STK33: variants seen among roughly 807,000 people sequenced by gnomAD.
The protein encoded by STK33 is serine/threonine-protein kinase 33.
STK33 carries 52 observed loss-of-function variants against 58.0 expected under a neutral mutation model. The observed-to-expected ratio is 0.90, with a 90% confidence interval of 0.72 to 1.13. The LOEUF is 1.13. Among genes scored for constraint, STK33 ranks in the 50% most tolerant of loss-of-function variants. The probability of loss-of-function intolerance (pLI) is 0.00; values close to 1 mark genes in which losing one functional copy is unlikely to be tolerated. For synonymous variants in STK33, 215 were observed against 200.1 expected (o/e 1.07, Z -0.63); for missense variants, 630 against 604.2 (o/e 1.04, Z -0.45).
the STK33 span, among the ~76,000 whole-genome samples, chr11:8,345,210 G>T: frequency 1.3e-5 from 2 of 152,192 alleles, no homozygotes; most frequent in African/African-American, 2.4e-5. Flanking sequence ...CTACTGTCCT[G>T]CTGGAGTTCA....
At chr11:8,344,076 C>G in the STK33 span, among the ~76,000 whole-genome samples, 1 of 152,066 alleles carries the variant, frequency 6.6e-6, no homozygotes. Flanking sequence ...TAGGGCTGGA[C>G]GCAGTGACTC....
chr11:8,402,095 A>T (rs1255237157), intron 15 of STK33, among the ~76,000 whole-genome samples: 6 of 152,206 alleles, frequency 3.9e-5, no homozygotes, highest in Non-Finnish European at 7.3e-5. Context: ...TTACCATTTG[A>T]CCCAGCAATC....
intron 14 of STK33, among the ~76,000 whole-genome samples, chr11:8,423,727 G>T (rs1483998838): frequency 6.6e-6 from 1 of 151,874 alleles, no homozygotes; most frequent in Non-Finnish European, 1.5e-5. Flanking sequence ...GAATAAGCTT[G>T]TCATATTATT....
chr11:8,581,340 G>A (rs767739354), intron 1 of STK33, among the ~76,000 whole-genome samples: 1 of 152,012 alleles, frequency 6.6e-6, no homozygotes, highest in Non-Finnish European at 1.5e-5. Context: ...AACATAGTGA[G>A]ACCCCCATAT....
At chr11:8,407,153 T>C (rs1298143820) in intron 15 of STK33, among the ~76,000 whole-genome samples, 2 of 152,152 alleles carry the variant, frequency 1.3e-5, no homozygotes, top group African/African-American at 4.8e-5. Flanking sequence ...TGTTGTTTGA[T>C]TTTTGGATGT....
At chr11:8,362,354 T>C in the STK33 span, among the ~76,000 whole-genome samples, 3 of 152,318 alleles carry the variant, frequency 2.0e-5, no homozygotes, top group South Asian at 6.2e-4. Flanking sequence ...CTAATGGAAT[T>C]TCATTTGGCG....
intron 1 of STK33, among the ~76,000 whole-genome samples, chr11:8,513,161 G>C (rs796996100): frequency 3.3e-4 from 50 of 152,280 alleles, no homozygotes; most frequent in Middle Eastern, 6.8e-3. Flanking sequence ...CAAGCAAGGA[G>C]TCCTGTGCCA....
At chr11:8,484,707 T>C (rs1950080657) in intron 1 of STK33, among the ~76,000 whole-genome samples, 1 of 152,164 alleles carries the variant, frequency 6.6e-6, no homozygotes, top group Admixed American at 6.5e-5. Flanking sequence ...AACAACTGAT[T>C]GAGAAGGAAT....
intron 15 of STK33, 97 bp from the exon 16 acceptor site, chr11:8,392,807 T>C (rs1385307200): frequency 2.4e-6 from 3 of 1,225,334 alleles, no homozygotes; most frequent in Admixed American, 2.1e-5. Flanking sequence ...ATTTGCAAGT[T>C]GGAGCCCTCT....
At chr11:8,434,363 T>A (rs1270640787) in intron 14 of STK33, 1 of 153,670 alleles carries the variant, frequency 6.5e-6, no homozygotes, top group East Asian at 1.9e-4. Flanking sequence ...TTTATAATTT[T>A]TAATAGATGA....
chr11:8,478,035 T>C lies in STK33; in HGVS notation c.-260-752A>G, dbSNP rs370683187. Among the ~76,000 whole-genome samples the C allele has an allele frequency of 1.1e-4, 17 of 152,344 alleles. 1 individual carries two copies. In the South Asian group the frequency reaches 3.5e-3, roughly 32 times the overall value. On this transcript the variant is annotated intron_variant, in intron 2 of 15. Transcript: ENST00000687296. ...TTAGATTTCAAATTTAACTTCTTTT[T>C]GGCTGGCTGAATTCTAATTATTTTA... is the stretch of plus-strand genomic sequence containing the variant.
the STK33 span, among the ~76,000 whole-genome samples, chr11:8,349,262 G>A: frequency 6.6e-6 from 1 of 152,206 alleles, no homozygotes; most frequent in African/African-American, 2.4e-5. Context: ...AGCAGTGTCT[G>A]ATATCATATA....
chr11:8,574,045 G>A (rs1003142964), intron 1 of STK33, among the ~76,000 whole-genome samples: 1 of 152,134 alleles, frequency 6.6e-6, no homozygotes, highest in Non-Finnish European at 1.5e-5. Flanking sequence ...AGTTGCCCAT[G>A]GACCCCAACA....
intron 1 of STK33, among the ~76,000 whole-genome samples, chr11:8,523,377 G>C (rs925606078): frequency 6.7e-6 from 1 of 149,646 alleles, no homozygotes; most frequent in African/African-American, 2.5e-5. Context: ...CCATCGTCTG[G>C]GATGTGGGAA....
chr11:8,397,665 G>A (rs1371938794), intron 15 of STK33, among the ~76,000 whole-genome samples: 1 of 152,086 alleles, frequency 6.6e-6, no homozygotes, highest in East Asian at 1.9e-4. Flanking sequence ...ACTACTCCGA[G>A]CTAAAGGAGG....
At chr11:8,433,275 G>A (rs1410339840) in intron 14 of STK33, among the ~76,000 whole-genome samples, 1 of 152,124 alleles carries the variant, frequency 6.6e-6, no homozygotes, top group African/African-American at 2.4e-5. Flanking sequence ...GTTATTCAAA[G>A]AAATGATTAG....
the STK33 span, among the ~76,000 whole-genome samples, chr11:8,348,444 A>C: frequency 3.3e-5 from 5 of 152,158 alleles, no homozygotes; most frequent in African/African-American, 1.2e-4. Context: ...AACCATCAGG[A>C]TCTCGTGAGA....
At chr11:8,455,224 CAT>C (rs1946702239) in intron 9 of STK33, among the ~76,000 whole-genome samples, 1 of 152,188 alleles carries the variant, frequency 6.6e-6, no homozygotes, top group African/African-American at 2.4e-5. Context: ...TACTTCTATG[CAT>C]ATGTTACTGT....
intron 1 of STK33, among the ~76,000 whole-genome samples, chr11:8,557,624 AAAG>A (rs1463151338): frequency 6.6e-6 from 1 of 152,140 alleles, no homozygotes; most frequent in African/African-American, 2.4e-5. Context: ...AGTCAGATGT[AAAG>A]AAGGCAATTA....
Sources: allele counts gnomAD v4.1 joint callset (sites outside exome capture counted in the v4.1 genomes callset), GRCh38; gene constraint gnomAD v4.1.1; transcripts MANE v1.5; gene names NCBI Gene and HGNC (gene_info 2026-07-23, HGNC 2026-07-21).